The following NKAIN2 variants were observed in gnomAD, a reference collection of about 807,000 sequenced individuals.
The protein encoded by NKAIN2 is sodium/potassium-transporting ATPase subunit beta-1-interacting protein 2.
Under a neutral mutation model 32.6 loss-of-function variants are expected in NKAIN2, and 14 were observed. The observed-to-expected ratio is 0.43, with a 90% CI of 0.28 to 0.67. NKAIN2 has a LOEUF of 0.67. NKAIN2 is among the 30% of genes least tolerant of loss of function. NKAIN2 has a pLI of 0.17. For missense variants in NKAIN2, 198 were observed against 258.3 expected (o/e 0.77, Z 1.60); for synonymous variants, 80 against 87.2 (o/e 0.92, Z 0.46).
chr6:123,953,311 G>T (rs1004938868), intron 1 of NKAIN2, among the ~76,000 whole-genome samples: 12 of 152,174 alleles, frequency 7.9e-5, no homozygotes, highest in African/African-American at 2.9e-4. Flanking sequence ...GGTGGCGTAT[G>T]TTGGCACTGG....
chr6:124,130,989 G>C lies in NKAIN2; in HGVS notation c.55-152016G>C, dbSNP rs150597530. On this transcript the variant is annotated intron_variant, in intron 1 of 6. Coordinates refer to ENST00000368417, the MANE Select transcript of NKAIN2 (RefSeq NM_001040214.3). ...CCTGTCTTGGCCTGGTGTCTGTTGA[G>C]GTCCTATTAAATTTTGCTGAAGACA... Among the ~76,000 whole-genome samples, 78 of 152,208 alleles carry C rather than the reference G, an allele frequency of 5.1e-4. 1 individual carries two copies. The highest frequency in any genetic ancestry group is 1.7e-3 in the African/African-American group (70 of 41,528).
chr6:124,284,015 C>G (rs993779232), intron 2 of NKAIN2, among the ~76,000 whole-genome samples: 2 of 151,532 alleles, frequency 1.3e-5, no homozygotes, highest in Admixed American at 1.3e-4. Flanking sequence ...AGATGCCCCC[C>G]CATGACCTGT....
chr6:124,693,122 C>T (rs1426765253), intron 4 of NKAIN2, among the ~76,000 whole-genome samples: 1 of 152,110 alleles, frequency 6.6e-6, no homozygotes, highest in East Asian at 1.9e-4. Flanking sequence ...ATAGAATTCT[C>T]CTGCCTTGGG....
In NKAIN2 at chr6:124,283,132, A is replaced by T; in HGVS notation, c.182A>T (p.Tyr61Phe). 6.2e-7 allele frequency: 1 copy of T among 1,604,638 alleles called. No individual in the cohort carries two copies. The highest frequency in any genetic ancestry group is 8.5e-7 in the Non-Finnish European group (1 of 1,171,508). ...LFGTIQYRPR[Y>F]ITGYAVWLVL... ...GGAACTATTCAATATAGACCTCGTTACATAACAGGAGTAAGTACATTTTCT... is the reference window on the plus strand; with the variant it reads ...GGAACTATTCAATATAGACCTCGTTTCATAACAGGAGTAAGTACATTTTCT... Residue 61 changes from tyrosine (Y) to phenylalanine (F), a missense_variant, in exon 2 of 7, where the codon TAC (tyrosine) becomes TTC (phenylalanine). By Grantham distance (22) the Tyr-to-Phe change is conservative. Coordinates refer to ENST00000368417, the MANE Select transcript of NKAIN2 (RefSeq NM_001040214.3).
At chr6:124,747,909 G>A (rs1227078518) in intron 4 of NKAIN2, among the ~76,000 whole-genome samples, 1 of 151,752 alleles carries the variant, frequency 6.6e-6, no homozygotes, top group African/African-American at 2.4e-5. Flanking sequence ...TCATGATATA[G>A]TCTTAGCACT....
chr6:123,808,870 G>A (rs1466406789), intron 1 of NKAIN2, among the ~76,000 whole-genome samples: 1 of 152,180 alleles, frequency 6.6e-6, no homozygotes. Context: ...CTTAAAATAG[G>A]AAGTCTTTAT....
chr6:124,025,176 G>A (rs1050437114), intron 1 of NKAIN2, among the ~76,000 whole-genome samples: 1 of 152,098 alleles, frequency 6.6e-6, no homozygotes, highest in Non-Finnish European at 1.5e-5. Context: ...TATTTGATAA[G>A]GTTATTGTAC....
chr6:123,820,880 G>A (rs928533), intron 1 of NKAIN2, among the ~76,000 whole-genome samples: 6 of 151,872 alleles, frequency 4.0e-5, no homozygotes, highest in Admixed American at 3.3e-4. Flanking sequence ...TTATCCATTC[G>A]TCTGTAAGAG....
intron 3 of NKAIN2, among the ~76,000 whole-genome samples, chr6:124,528,589 C>A (rs1430275608): frequency 2.0e-5 from 3 of 152,106 alleles, no homozygotes; most frequent in Non-Finnish European, 4.4e-5. Flanking sequence ...ATGATCAAGT[C>A]CTTGGTGTAG....
At chr6:123,911,393 A>AAG (rs1775170867) in intron 1 of NKAIN2, among the ~76,000 whole-genome samples, 1 of 152,070 alleles carries the variant, frequency 6.6e-6, no homozygotes, top group Non-Finnish European at 1.5e-5. Context: ...GAGAGGAAGC[A>AAG]AGAGAGAGAG....
At chr6:124,437,872 A>ATTTTTTTTTT (rs374033234) in intron 3 of NKAIN2, 19 of 344,326 alleles carry the variant, frequency 5.5e-5, no homozygotes, top group East Asian at 2.7e-4. Flanking sequence ...TGATCTATTG[A>ATTTTTTTTTT]TTTTTTTTTT....
intron 3 of NKAIN2, among the ~76,000 whole-genome samples, chr6:124,477,723 CTT>C (rs2114691410): frequency 1.5e-5 from 1 of 65,978 alleles, no homozygotes; most frequent in Non-Finnish European, 3.2e-5. Context: ...ACTCTTCCCC[CTT>C]CCCCCTCCCT....
chr6:123,830,797 G>A (rs543428532), intron 1 of NKAIN2, among the ~76,000 whole-genome samples: 18 of 152,310 alleles, frequency 1.2e-4, no homozygotes, highest in South Asian at 6.2e-4. Context: ...TCTGTCCAGC[G>A]TGTGTATCAC....
chr6:124,371,939 T>C (rs777609323), intron 3 of NKAIN2, among the ~76,000 whole-genome samples: 6 of 152,170 alleles, frequency 3.9e-5, no homozygotes, highest in African/African-American at 1.2e-4. Context: ...GACGTGATCC[T>C]GTTTGGAAAA....
chr6:124,524,292 G>C (rs1483552775), intron 3 of NKAIN2, among the ~76,000 whole-genome samples: 1 of 152,098 alleles, frequency 6.6e-6, no homozygotes, highest in African/African-American at 2.4e-5. Context: ...AATAAAAATA[G>C]TCCTTTCCTC....
chr6:123,992,410 T>C (rs1034187042), intron 1 of NKAIN2, among the ~76,000 whole-genome samples: 12 of 151,992 alleles, frequency 7.9e-5, no homozygotes, highest in Non-Finnish European at 1.2e-4. Context: ...TTAAATACAA[T>C]AGAGAATTTT....
At chr6:124,709,383 T>A (rs1775301033) in intron 4 of NKAIN2, among the ~76,000 whole-genome samples, 1 of 151,174 alleles carries the variant, frequency 6.6e-6, no homozygotes, top group Non-Finnish European at 1.5e-5. Context: ...TTCCTCTTTT[T>A]CTATTGATTG....
chr6:124,346,789 A>G lies in NKAIN2; in HGVS notation c.193-8478A>G, dbSNP rs1488984190. Reference sequence around the variant, plus strand: ...ATGATGGGTCTTGACTCTTTATCCTATTTGCCAGTCTGTGCCTTTTAATTG... The same window carrying G: ...ATGATGGGTCTTGACTCTTTATCCTGTTTGCCAGTCTGTGCCTTTTAATTG... On this transcript the variant is annotated intron_variant, in intron 2 of 6. Coordinates refer to ENST00000368417, the MANE Select transcript of NKAIN2 (RefSeq NM_001040214.3). 5.3e-5 allele frequency among the ~76,000 whole-genome samples: 8 copies of G among 151,946 alleles called. No homozygotes were observed. In the South Asian group the frequency reaches 1.5e-3, roughly 28 times the overall value.
At chr6:124,798,149 A>G (rs1016769177) in intron 5 of NKAIN2, among the ~76,000 whole-genome samples, 9 of 151,936 alleles carry the variant, frequency 5.9e-5, no homozygotes, top group African/African-American at 2.2e-4. Context: ...GGGCCATATC[A>G]TACATTCTGT....
Sources: gnomAD v4.1 joint callset for allele counts (sites outside exome capture counted in the v4.1 genomes callset) on GRCh38, gnomAD v4.1.1 for gene constraint, MANE v1.5 for transcripts, NCBI Gene and HGNC (gene_info 2026-07-23, HGNC 2026-07-21) for gene names.